Variants in PTPRD observed in about 807,000 individuals in gnomAD.
The protein encoded by PTPRD is receptor-type tyrosine-protein phosphatase delta.
PTPRD carries 34 observed loss-of-function variants against 214.5 expected under a neutral mutation model. The observed-to-expected ratio is 0.16, with a 90% CI of 0.12 to 0.21. The LOEUF (loss-of-function observed/expected upper bound fraction) is 0.21, where lower values mean the gene tolerates loss of function less well. Ranked by LOEUF, PTPRD falls within the 10% of genes least tolerant of loss-of-function variation. The pLI is 1.00. For missense variants in PTPRD, 2,545 were observed against 2,398.7 expected (o/e 1.06, Z -1.27); for synonymous variants, 1,128 against 845.7 (o/e 1.33, Z -5.79).
intron 9 of PTPRD, among the ~76,000 whole-genome samples, chr9:9,321,998 G>C (rs539478842): frequency 6.6e-6 from 1 of 152,256 alleles, no homozygotes; most frequent in East Asian, 1.9e-4. Flanking sequence ...AAGTATTACA[G>C]TCTTAAAAGT....
intron 31 of PTPRD, among the ~76,000 whole-genome samples, chr9:8,467,478 A>G (rs1222064091): frequency 1.3e-5 from 2 of 151,912 alleles, no homozygotes; most frequent in African/African-American, 2.4e-5. Context: ...TAATAACCCT[A>G]TAAGGATGGC....
chr9:8,977,342 C>A (rs977688595), intron 11 of PTPRD, among the ~76,000 whole-genome samples: 2 of 152,060 alleles, frequency 1.3e-5, no homozygotes, highest in South Asian at 2.1e-4. Flanking sequence ...CTTCCAAGAT[C>A]TCTTAAAGTC....
rs1022584178 is a variant in PTPRD, at chr9:9,814,345, C to T, written c.-367-47494G>A. On this transcript the variant is annotated intron_variant, in intron 5 of 45. Transcript: ENST00000381196. ...AGCATCCAAATCAGAAAGGAGGAAG[C>T]CAAAGTATTTGTTTGAAAATGACTT... 1.6e-4 allele frequency among the ~76,000 whole-genome samples: 24 copies of T among 147,920 alleles called. 1 individual carries two copies. The highest frequency in any genetic ancestry group is 5.9e-4 in the African/African-American group (24 of 40,452).
intron 7 of PTPRD, among the ~76,000 whole-genome samples, chr9:9,704,078 T>G (rs2097551091): frequency 3.6e-5 from 2 of 56,116 alleles, no homozygotes; most frequent in South Asian, 1.1e-3. Context: ...AAAATGAAAT[T>G]TCTGTAAGAC....
rs200254434 is a variant in PTPRD, at chr9:10,198,955, A to G, written c.-545+142008T>C. On this transcript the variant is annotated intron_variant, in intron 3 of 45. Coordinates refer to ENST00000381196, the MANE Select transcript of PTPRD (RefSeq NM_002839.4). ...TGTCCTTTTAAACTTTGAATGGTTC[A>G]AATTTTGCTAAGTGATGTTCACAGA... Among the ~76,000 whole-genome samples, 3 of 152,072 alleles carry G rather than the reference A, an allele frequency of 2.0e-5. No individual in the cohort carries two copies. In the East Asian group the frequency reaches 5.8e-4, roughly 29 times the overall value.
chr9:9,388,158 GTCT>G (rs2064543640), intron 9 of PTPRD, among the ~76,000 whole-genome samples: 2 of 152,148 alleles, frequency 1.3e-5, no homozygotes, highest in East Asian at 1.9e-4. Flanking sequence ...AGCCGCTTGT[GTCT>G]TCTTCCATTG....
chr9:10,278,802 T>C (rs1195222125), intron 3 of PTPRD, among the ~76,000 whole-genome samples: 1 of 151,800 alleles, frequency 6.6e-6, no homozygotes, highest in Non-Finnish European at 1.5e-5. Context: ...TCAGATGGAG[T>C]CTCGCTCTGT....
intron 2 of PTPRD, among the ~76,000 whole-genome samples, chr9:10,435,051 A>C (rs1216649849): frequency 6.6e-6 from 1 of 151,906 alleles, no homozygotes; most frequent in Non-Finnish European, 1.5e-5. Flanking sequence ...ATTTTATTTG[A>C]ATCTCAAGTA....
chr9:8,633,187 A>C, intron 14 of PTPRD, 130 bp downstream of exon 14: 1 of 1,180,708 alleles, frequency 8.5e-7, no homozygotes, highest in Non-Finnish European at 1.2e-6. Context: ...ATTAAAGTTC[A>C]AGTCTTACAA....
chr9:9,020,050 A>T (rs2099557615), intron 10 of PTPRD, among the ~76,000 whole-genome samples: 1 of 152,058 alleles, frequency 6.6e-6, no homozygotes, highest in African/African-American at 2.4e-5. Flanking sequence ...ATGGGAGGAG[A>T]AGAGAAGAGG....
intron 3 of PTPRD, among the ~76,000 whole-genome samples, chr9:10,307,317 C>A (rs1265691606): frequency 6.6e-6 from 1 of 152,080 alleles, no homozygotes; most frequent in Non-Finnish European, 1.5e-5. Flanking sequence ...TGAGTAAGAA[C>A]ATATGACATC....
intron 10 of PTPRD, among the ~76,000 whole-genome samples, chr9:9,029,005 C>A (rs1041083617): frequency 7.4e-4 from 113 of 151,954 alleles, no homozygotes; most frequent in African/African-American, 2.7e-3. Context: ...GGCTACAGAG[C>A]ACTTCAACTG....
At chr9:8,649,944 G>A (rs1305453318) in intron 12 of PTPRD, among the ~76,000 whole-genome samples, 2 of 151,926 alleles carry the variant, frequency 1.3e-5, no homozygotes, top group African/African-American at 4.8e-5. Context: ...TTGAGACAGG[G>A]TTTTACTCTG....
At chr9:10,505,098 C>A (rs542529412) in intron 2 of PTPRD, among the ~76,000 whole-genome samples, 1 of 152,242 alleles carries the variant, frequency 6.6e-6, no homozygotes, top group East Asian at 1.9e-4. Flanking sequence ...AAAGGCAAAA[C>A]CTTAAAGTGA....
At chr9:8,675,207 T>C (rs916495508) in intron 12 of PTPRD, among the ~76,000 whole-genome samples, 3 of 152,062 alleles carry the variant, frequency 2.0e-5, no homozygotes, top group Non-Finnish European at 2.9e-5. Flanking sequence ...TCCCAACCTT[T>C]CTCCCCTATG....
rs372757552 is a variant in PTPRD, at chr9:8,702,621, T to G, written c.64+31159A>C. Among the ~76,000 whole-genome samples, 40 of 152,322 alleles carry G rather than the reference T, an allele frequency of 2.6e-4. 1 individual carries two copies. In the East Asian group the frequency reaches 3.1e-3, roughly 12 times the overall value. On this transcript the variant is annotated intron_variant, in intron 12 of 45. Coordinates refer to ENST00000381196, the MANE Select transcript of PTPRD (RefSeq NM_002839.4). ...CCACAATATAAGAGGTGCAATTTTT[T>G]GGGTTTCTTTTAGACAGAGTCTTGC...
At chr9:9,055,580 A>C (rs2154397380) in intron 10 of PTPRD, among the ~76,000 whole-genome samples, 1 of 152,258 alleles carries the variant, frequency 6.6e-6, no homozygotes, top group Admixed American at 6.5e-5. Context: ...CTAGTTAATA[A>C]AAATGGTTGC....
intron 7 of PTPRD, among the ~76,000 whole-genome samples, chr9:9,651,547 A>T (rs533755541): frequency 5.3e-5 from 8 of 152,224 alleles, no homozygotes; most frequent in African/African-American, 1.9e-4. Context: ...CTCCAGCTCC[A>T]TCCATGTCCT....
chr9:8,777,540 G>A (rs1049799134), intron 11 of PTPRD, among the ~76,000 whole-genome samples: 7 of 152,138 alleles, frequency 4.6e-5, no homozygotes, highest in African/African-American at 1.2e-4. Context: ...AAAGTTTACA[G>A]CTAGTGCATT....
Sources: gnomAD v4.1 joint callset for allele counts (sites outside exome capture counted in the v4.1 genomes callset) on GRCh38, gnomAD v4.1.1 for gene constraint, MANE v1.5 for transcripts, NCBI Gene and HGNC (gene_info 2026-07-23, HGNC 2026-07-21) for gene names.